Variants in DCN observed in about 807,000 individuals in gnomAD.
DCN encodes decorin.
DCN carries 17 observed loss-of-function variants against 36.5 expected under a neutral mutation model. That is an observed-to-expected ratio of 0.47 (90% confidence interval 0.32 to 0.70). The LOEUF is 0.70. Among genes scored for constraint, DCN ranks in the 30% least tolerant of loss-of-function variants. The probability of loss-of-function intolerance (pLI) is 0.04; values close to 1 mark genes in which losing one functional copy is unlikely to be tolerated. For synonymous variants in DCN, 163 were observed against 161.4 expected (o/e 1.01, Z -0.07); for missense variants, 389 against 430.1 (o/e 0.90, Z 0.84).
intron 3 of DCN, among the ~76,000 whole-genome samples, 161 bp downstream of exon 3, chr12:91,164,429 ACAGTGTTTGGGGCAG>A (rs1882390758): frequency 6.9e-6 from 1 of 145,484 alleles, no homozygotes; most frequent in African/African-American, 2.5e-5. Context: ...AAAAAGAAAA[ACAGTGTTTGGGGCAG>A]AATTAATAAA....
intron 3 of DCN, among the ~76,000 whole-genome samples, chr12:91,159,397 G>C (rs1882015443): frequency 6.6e-6 from 1 of 151,342 alleles, no homozygotes; most frequent in East Asian, 1.9e-4. Context: ...GTATTTCCTT[G>C]TCATTTAAAA....
intron 2 of DCN, among the ~76,000 whole-genome samples, chr12:91,167,472 G>GAC (rs34663648): frequency 0.13 from 18,311 of 145,094 alleles, 2,017 homozygotes; most frequent in African/African-American, 0.3. Context: ...CAGACAGACA[G>GAC]ACACACACAC....
At chr12:91,165,857 A>C (rs912444391) in intron 2 of DCN, among the ~76,000 whole-genome samples, 1 of 152,142 alleles carries the variant, frequency 6.6e-6, no homozygotes, top group African/African-American at 2.4e-5. Flanking sequence ...AATTTATTAG[A>C]TCCTGGGAAT....
At position 91,142,825 on chromosome 12, in the gene DCN, T is replaced by G. The variant is rs558642125; in HGVS notation, c.*3233A>C. 1.3e-5 allele frequency: 2 copies of G among 152,140 alleles called. No individual in the cohort carries two copies. Among genetic ancestry groups the G allele is most frequent in the African/African-American group, 4.8e-5 (2 of 41,510 alleles). 9.4% of individuals were successfully genotyped at this position (152,140 alleles called of 1,614,324 possible). A position where few individuals can be genotyped will look rare whatever the true frequency, so the allele number is the denominator to read the frequency against. Reference sequence around the variant, plus strand: ...TGAAGCACCCATAATCGAACAACAGTTTTAATGAAAACAAAAAAATTAAAC... The same window carrying G: ...TGAAGCACCCATAATCGAACAACAGGTTTAATGAAAACAAAAAAATTAAAC... On this transcript the variant is annotated 3_prime_UTR_variant, in exon 8 of 8. Transcript: ENST00000052754.
Position 91,144,386 on chromosome 12 carries a change from G to C in DCN, c.*1672C>G, listed in dbSNP as rs1415811830. On this transcript the variant is annotated 3_prime_UTR_variant, in exon 8 of 8. Coordinates refer to ENST00000052754, the MANE Select transcript of DCN (RefSeq NM_001920.5). Reference sequence around the variant, plus strand: ...TTATGGACATGCACCTTGAATTCCTGAATGTCTTCCAATAGAAACCACCTA... The same window carrying C: ...TTATGGACATGCACCTTGAATTCCTCAATGTCTTCCAATAGAAACCACCTA... 6.6e-6 allele frequency: 1 copy of C among 152,134 alleles called. No homozygotes were observed. Among genetic ancestry groups the C allele is most frequent in the Non-Finnish European group, 1.5e-5 (1 of 68,008 alleles). The allele number at this position is 152,134 out of a possible 1,614,324, so 9.4% of individuals were successfully genotyped here. A position where few individuals can be genotyped will look rare whatever the true frequency, so the allele number is the denominator to read the frequency against.
chr12:91,178,288 A>C, intron 2 of DCN, 54 bp downstream of exon 2: 3 of 1,495,070 alleles, frequency 2.0e-6, no homozygotes, highest in Non-Finnish European at 2.8e-6. Flanking sequence ...CAGAGTTGCC[A>C]TTCCCAAGAA....
Position 91,145,869 on chromosome 12 carries a change from A to G in DCN, c.*189T>C. ...AAAGCTTCAAAAGATGATTCTGAAA[A>G]TGGCAGGCAAAATTTCTTTTTATTG... On this transcript the variant is annotated 3_prime_UTR_variant, in exon 8 of 8. Transcript: ENST00000052754. 1.7e-6 allele frequency: 1 copy of G among 586,362 alleles called. No homozygotes were observed. Among genetic ancestry groups the G allele is most frequent in the South Asian group, 2.1e-5 (1 of 47,292 alleles). The allele number at this position is 586,362 out of a possible 1,614,324, so 36.3% of individuals were successfully genotyped here. A position where few individuals can be genotyped will look rare whatever the true frequency, so the allele number is the denominator to read the frequency against.
At chr12:91,157,587 TA>T (rs1317124176) in intron 4 of DCN, among the ~76,000 whole-genome samples, 1 of 152,204 alleles carries the variant, frequency 6.6e-6, no homozygotes, top group Non-Finnish European at 1.5e-5. Context: ...TCTAGCATTT[TA>T]TAAGCCAATA....
At position 91,140,730 on chromosome 12, in the gene DCN, A is replaced by G. The variant is rs941146981; in HGVS notation, c.*5328T>C. The G allele has an allele frequency of 6.6e-5, 10 of 152,100 alleles. No individual in the cohort carries two copies. Among genetic ancestry groups the G allele is most frequent in the Non-Finnish European group, 1.2e-4 (8 of 68,014 alleles). The allele number at this position is 152,100 out of a possible 1,614,324, so 9.4% of individuals were successfully genotyped here. A position where few individuals can be genotyped will look rare whatever the true frequency, so the allele number is the denominator to read the frequency against. The stretch of plus-strand genomic sequence containing the variant: ...ATTCTAGATCTAAATCCTCCTTGAC[A>G]CCTCCATATGGAAGTTGAATATGCA... On this transcript the variant is annotated 3_prime_UTR_variant, in exon 8 of 8. Transcript: ENST00000052754.
chr12:91,156,866 C>A (rs568091281), intron 5 of DCN, among the ~76,000 whole-genome samples: 1 of 151,974 alleles, frequency 6.6e-6, no homozygotes, highest in Non-Finnish European at 1.5e-5. Flanking sequence ...CCGTGGTCAT[C>A]CAGACTGAAT....
At chr12:91,169,058 A>C (rs1178116097) in intron 2 of DCN, among the ~76,000 whole-genome samples, 1 of 152,218 alleles carries the variant, frequency 6.6e-6, no homozygotes, top group Non-Finnish European at 1.5e-5. Flanking sequence ...TCTAAATTCC[A>C]AAAGAAAATG....
At chr12:91,162,099 C>T (rs1882196270) in intron 3 of DCN, among the ~76,000 whole-genome samples, 1 of 152,064 alleles carries the variant, frequency 6.6e-6, no homozygotes, top group Admixed American at 6.5e-5. Context: ...CGCCACCATG[C>T]CCAGCTAATT....
At chr12:91,174,905 C>A (rs1367180719) in intron 2 of DCN, among the ~76,000 whole-genome samples, 2 of 152,072 alleles carry the variant, frequency 1.3e-5, no homozygotes, top group Non-Finnish European at 2.9e-5. Flanking sequence ...GGTGTTAAGT[C>A]CATACCAAAT....
In DCN at chr12:91,151,657, G is replaced by A. The variant is rs1223892469; in HGVS notation, c.882C>T (p.Ile294=). ...VPGGLAEHKY[I]QVVYLHNNNI... ...ATAAGCAGTGGCTTTGCATTACCTG[G>A]ATGTACTTATGCTCTGCCAGCCCAC... Residue 294 remains isoleucine, a synonymous_variant, in exon 7 of 8, where the codon ATC becomes ATT. Coordinates refer to ENST00000052754, the MANE Select transcript of DCN (RefSeq NM_001920.5). The A allele has an allele frequency of 2.5e-6, 4 of 1,613,854 alleles. No homozygotes were observed. In the Admixed American group the frequency reaches 6.7e-5, roughly 27 times the overall value.
intron 2 of DCN, among the ~76,000 whole-genome samples, chr12:91,169,424 A>T (rs3138292): frequency 0.024 from 3,587 of 149,900 alleles, 106 homozygotes; most frequent in Non-Finnish European, 0.031. Context: ...AGCTATTTTT[A>T]AAAAAAGCAA....
intron 5 of DCN, among the ~76,000 whole-genome samples, chr12:91,156,726 T>G (rs2059684166): frequency 6.6e-6 from 1 of 151,060 alleles, no homozygotes; most frequent in Non-Finnish European, 1.5e-5. Context: ...CACCAAGGCA[T>G]GCTATTTTTT....
In DCN at chr12:91,143,999, T is replaced by C. The variant is rs1396911416; in HGVS notation, c.*2059A>G. The C allele has an allele frequency of 1.3e-5, 2 of 151,966 alleles. No homozygotes were observed. The highest frequency in any genetic ancestry group is 2.9e-5 in the Non-Finnish European group (2 of 67,970). 9.4% of individuals were successfully genotyped at this position (151,966 alleles called of 1,614,324 possible). Reference sequence around the variant, plus strand: ...GTAGCTTGACTACTGGAAAAGTGTGTTGGATCTGCCTTGCAGATAAGTGTC... The same window carrying C: ...GTAGCTTGACTACTGGAAAAGTGTGCTGGATCTGCCTTGCAGATAAGTGTC... On this transcript the variant is annotated 3_prime_UTR_variant, in exon 8 of 8. Coordinates refer to ENST00000052754, the MANE Select transcript of DCN (RefSeq NM_001920.5).
chr12:91,168,674 T>G (rs972774794), intron 2 of DCN, among the ~76,000 whole-genome samples: 1 of 152,192 alleles, frequency 6.6e-6, no homozygotes, highest in African/African-American at 2.4e-5. Context: ...ATCATAGGAG[T>G]TTTTATTTTC....
At chr12:91,163,159 G>A (rs907083620) in intron 3 of DCN, among the ~76,000 whole-genome samples, 3 of 152,160 alleles carry the variant, frequency 2.0e-5, no homozygotes, top group Admixed American at 6.5e-5. Flanking sequence ...AGAGAACTGG[G>A]TGAGAAAATG....
Sources: allele counts gnomAD v4.1 joint callset (sites outside exome capture counted in the v4.1 genomes callset), GRCh38; gene constraint gnomAD v4.1.1; transcripts MANE v1.5; gene names NCBI Gene and HGNC (gene_info 2026-07-23, HGNC 2026-07-21).